The following AP1G1 variants were observed in gnomAD, a reference collection of about 807,000 sequenced individuals.
AP1G1 encodes the protein adaptor related protein complex 1 subunit gamma 1.
A neutral mutation model predicts 108.3 loss-of-function variants in AP1G1; 7 were observed. The observed-to-expected ratio is 0.06, with a 90% confidence interval of 0.04 to 0.12. The LOEUF (loss-of-function observed/expected upper bound fraction) is 0.12. Ranked by LOEUF, AP1G1 falls within the 10% of genes least tolerant of loss-of-function variation. AP1G1 has a pLI of 1.00. For missense variants in AP1G1, 756 were observed against 1,010.7 expected (o/e 0.75, Z 3.42); for synonymous variants, 379 against 353.5 (o/e 1.07, Z -0.81).
At position 71,732,986 on chromosome 16, in the gene AP1G1, C is replaced by G; in HGVS notation, c.*72G>C. On this transcript the variant is annotated 3_prime_UTR_variant, in exon 23 of 23. Transcript: ENST00000299980. ...CCGTGGTACAGTTGGGGGGGACTTG[C>G]CAGCAATCACAACCTCCTTCCCAGA... The G allele has an allele frequency of 1.6e-6, 2 of 1,269,876 alleles. No individual in the cohort carries two copies. Among genetic ancestry groups the G allele is most frequent in the South Asian group, 2.6e-5 (2 of 77,002 alleles). The allele number at this position is 1,269,876 out of a possible 1,614,324, so 78.7% of individuals were successfully genotyped here.
intron 1 of AP1G1, among the ~76,000 whole-genome samples, chr16:71,790,227 GAACT>G (rs2032348768): frequency 6.6e-6 from 1 of 152,106 alleles, no homozygotes; most frequent in South Asian, 2.1e-4. Flanking sequence ...GGGAAATGTG[GAACT>G]AACTGAATGT....
intron 2 of AP1G1, among the ~76,000 whole-genome samples, chr16:71,786,382 T>G (rs900891727): frequency 5.3e-5 from 8 of 152,138 alleles, no homozygotes; most frequent in African/African-American, 1.2e-4. Flanking sequence ...TCACAGCACT[T>G]TGGGAGGTTG....
Position 71,736,551 on chromosome 16 carries a change from ATTATTTATTTATTTATTTAT to A in AP1G1, c.2269-1864_2269-1845del, listed in dbSNP as rs369844976. 6.3e-4 allele frequency among the ~76,000 whole-genome samples: 67 copies of A among 105,904 alleles called. 1 individual carries two copies. Among genetic ancestry groups the A allele is most frequent in the African/African-American group, 1.3e-3 (34 of 26,254 alleles). The allele number at this position is 105,904 out of a possible 152,430, so 69.5% of individuals were successfully genotyped here. ...GCCCGCCACCACGCCCGGCTAATTT[ATTATTTATTTATTTATTTAT>A]TTATTTATTTATTTATTTATTTATT... is the stretch of plus-strand genomic sequence containing the variant. On this transcript the variant is annotated intron_variant, in intron 21 of 22. Transcript: ENST00000299980.
chr16:71,734,768 C>T lies in AP1G1; in HGVS notation c.2269-61G>A, dbSNP rs2045513224. The T allele has an allele frequency of 4.4e-6, 6 of 1,377,382 alleles. No individual in the cohort carries two copies. In the South Asian group the frequency reaches 7.1e-5, roughly 16 times the overall value. 85.3% of individuals were successfully genotyped at this position (1,377,382 alleles called of 1,614,324 possible). ...ATTACACAACGCTAGGTCAGAGATA[C>T]CAAAAACCATTTAGACACCCAGATG... On this transcript the variant is annotated intron_variant, in intron 21 of 22. Transcript: ENST00000299980.
rs2030110705 is a variant in AP1G1 at position 71,745,239 on chromosome 16, T to C, written c.1904A>G (p.Asn635Ser). ...AGTTGGAATAACAGGTGTTATGTCA[T>C]TTCCTCCCAACAAATCCAATAAATC... is the stretch of plus-strand genomic sequence containing the variant. ...ANDLLDLLGG[N>S]DITPVIPTAP... Residue 635 changes from asparagine to serine, a missense_variant, in exon 19 of 23, where the codon AAT becomes AGT. By Grantham distance (46) the Asn-to-Ser change is conservative. This residue lies in a region of AP1G1 where 357 missense variants were observed against 366.5 expected (regional missense o/e 0.97). Coordinates refer to ENST00000299980, the MANE Select transcript of AP1G1 (RefSeq NM_001128.6). 1 of 1,614,100 alleles carries C rather than the reference T, an allele frequency of 6.2e-7. No homozygotes were observed. Among genetic ancestry groups the C allele is most frequent in the African/African-American group, 1.3e-5 (1 of 74,938 alleles).
rs1323687194 is a variant in AP1G1 at position 71,764,697 on chromosome 16, T to G, written c.768A>C (p.Leu256Phe). 1 of 1,611,944 alleles carries G rather than the reference T, an allele frequency of 6.2e-7. No homozygotes were observed. Among genetic ancestry groups the G allele is most frequent in the Admixed American group, 1.7e-5 (1 of 59,438 alleles). The change falls in exon 8 of 23, where the codon TTA becomes TTC. Residue 256 changes from leucine to phenylalanine, a missense_variant. This residue lies in a region of AP1G1 where 304 missense variants were observed against 483.6 expected (regional missense o/e 0.63). Coordinates refer to ENST00000299980, the MANE Select transcript of AP1G1 (RefSeq NM_001128.6). ...QVRILRLLRI[L>F]GRNDDDSSEA... ...CACTTGAATCATCATCATTTCGTCC[T>G]AAAATTCTTAATAACCGCAAAATTC...
chr16:71,780,004 T>TG (rs996579460), intron 2 of AP1G1, among the ~76,000 whole-genome samples: 3 of 150,328 alleles, frequency 2.0e-5, no homozygotes, highest in Non-Finnish European at 4.4e-5. Context: ...TGTTTTTTTT[T>TG]TTTTTTTGAG....
chr16:71,789,879 TAAAC>T (rs946534553), intron 1 of AP1G1, among the ~76,000 whole-genome samples: 2 of 152,210 alleles, frequency 1.3e-5, no homozygotes, highest in Non-Finnish European at 2.9e-5. Flanking sequence ...CAACTGCTGT[TAAAC>T]ATAACATAGC....
chr16:71,805,790 T>C (rs2032977667), intron 1 of AP1G1, among the ~76,000 whole-genome samples: 1 of 152,124 alleles, frequency 6.6e-6, no homozygotes, highest in Admixed American at 6.6e-5. Context: ...ATCTCAGCAC[T>C]TTGCGAGGCC....
At chr16:71,807,823 T>C in intron 1 of AP1G1, 1 of 1,289,326 alleles carries the variant, frequency 7.8e-7, no homozygotes, top group Non-Finnish European at 1.0e-6. Flanking sequence ...TTTTTCTCCA[T>C]GGACAGATTT....
rs57116084 is a variant in AP1G1 at position 71,735,655 on chromosome 16, C to CA, written c.2269-949dup. On this transcript the variant is annotated intron_variant, in intron 21 of 22. Transcript: ENST00000299980. ...TGGGCAACAGAGCAAGACTCCGTCT[C>CA]AAAAAAAAAAAAAAAGTGCTATATA... 5.5e-3 allele frequency among the ~76,000 whole-genome samples: 671 copies of CA among 121,586 alleles called. 5 individuals are homozygous for CA. The highest frequency in any genetic ancestry group is 0.015 in the African/African-American group (482 of 32,100). The allele number at this position is 121,586 out of a possible 152,430, so 79.8% of individuals were successfully genotyped here.
At chr16:71,766,454 T>C (rs1388804197) in intron 6 of AP1G1, 2 of 467,108 alleles carry the variant, frequency 4.3e-6, no homozygotes, top group Admixed American at 2.4e-5. Flanking sequence ...TTTCTGTTGA[T>C]CAATTACTTG....
chr16:71,751,973 G>A (rs970613469), intron 13 of AP1G1, among the ~76,000 whole-genome samples: 1 of 152,060 alleles, frequency 6.6e-6, no homozygotes, highest in East Asian at 1.9e-4. Context: ...TCTCTCTCAT[G>A]AATACACATA....
At chr16:71,799,855 C>A (rs1036001317) in intron 1 of AP1G1, among the ~76,000 whole-genome samples, 5 of 151,254 alleles carry the variant, frequency 3.3e-5, no homozygotes, top group Non-Finnish European at 7.4e-5. Flanking sequence ...GCCGAGACTG[C>A]GCCACTGCAC....
At chr16:71,797,163 T>C (rs190962922) in intron 1 of AP1G1, among the ~76,000 whole-genome samples, 10 of 152,114 alleles carry the variant, frequency 6.6e-5, no homozygotes, top group Non-Finnish European at 1.5e-4. Flanking sequence ...CATAATCTTA[T>C]TAGCAAAACC....
At chr16:71,803,272 T>A (rs955275654) in intron 1 of AP1G1, among the ~76,000 whole-genome samples, 1 of 152,178 alleles carries the variant, frequency 6.6e-6, no homozygotes, top group Non-Finnish European at 1.5e-5. Flanking sequence ...AAAAGTCACA[T>A]GTATTTTTTC....
Position 71,794,835 on chromosome 16 carries a change from CTTTTTTTTTTTTTT to C in AP1G1, c.-3-5367_-3-5354del, listed in dbSNP as rs55761928. Reference sequence around the variant, plus strand: ...TACCATTCTCAGGCCATGAGAAGTGCTTTTTTTTTTTTTTTTTTTTTTTTTTTTTACTTTGAAAT... The same window carrying C: ...TACCATTCTCAGGCCATGAGAAGTGCTTTTTTTTTTTTTTTACTTTGAAAT... On this transcript the variant is annotated intron_variant, in intron 1 of 22. Transcript: ENST00000299980. Among the ~76,000 whole-genome samples, 24 of 39,662 alleles carry C rather than the reference CTTTTTTTTTTTTTT, an allele frequency of 6.1e-4. 1 individual carries two copies. The South Asian group carries it at 8.4e-3, about 14-fold the overall frequency. The allele number at this position is 39,662 out of a possible 152,430, so 26.0% of individuals were successfully genotyped here.
chr16:71,791,640 C>A lies in AP1G1; in HGVS notation c.-3-2158G>T, dbSNP rs1348332011. On this transcript the variant is annotated intron_variant, in intron 1 of 22. Coordinates refer to ENST00000299980, the MANE Select transcript of AP1G1 (RefSeq NM_001128.6). ...GCTGAGGCTGCAGTAAGCTGTGACA[C>A]TGTATCCTGGGTGACAGAGTGAGAC... 2.9e-5 allele frequency among the ~76,000 whole-genome samples: 4 copies of A among 140,012 alleles called. No homozygotes were observed. In the East Asian group the frequency reaches 8.4e-4, roughly 29 times the overall value. The allele number at this position is 140,012 out of a possible 152,430, so 91.9% of individuals were successfully genotyped here.
chr16:71,755,051 A>G (rs1156775328), intron 12 of AP1G1, among the ~76,000 whole-genome samples: 1 of 152,224 alleles, frequency 6.6e-6, no homozygotes, highest in African/African-American at 2.4e-5. Flanking sequence ...TAGCTGTACT[A>G]CTAAAATCAT....
Sources: allele counts gnomAD v4.1 joint callset (sites outside exome capture counted in the v4.1 genomes callset), GRCh38; gene constraint gnomAD v4.1.1; regional missense constraint gnomAD v4.1.1; transcripts MANE v1.5; gene names NCBI Gene and HGNC (gene_info 2026-07-23, HGNC 2026-07-21).